The following ARHGEF17 variants were observed in gnomAD, a reference collection of about 807,000 sequenced individuals.
ARHGEF17 encodes the protein Rho guanine nucleotide exchange factor 17, also known as 164 kDa Rho-specific guanine-nucleotide exchange factor.
Under a neutral mutation model 174.0 loss-of-function variants are expected in ARHGEF17, and 80 were observed. That is an observed-to-expected ratio of 0.46 (90% CI 0.38 to 0.55). The LOEUF is 0.55. Ranked by LOEUF, ARHGEF17 falls within the 20% of genes least tolerant of loss-of-function variation. The pLI, the probability that ARHGEF17 is intolerant of heterozygous loss-of-function variation, is 0.00. For missense variants in ARHGEF17, 2,886 were observed against 2,839.7 expected, an observed-to-expected ratio of 1.02 and a Z score of -0.37; for synonymous variants, 1,311 against 1,189.1, an observed-to-expected ratio of 1.10 and a Z score of -2.11.
chr11:73,363,235 A>G lies in ARHGEF17; in HGVS notation c.5026A>G (p.Thr1676Ala). ...NEETPSSKEA[T>A]AETTSSEEEQ... The stretch of plus-strand genomic sequence containing the variant: ...GGAGACCCCGAGTTCCAAGGAGGCC[A>G]CGGCAGAGACCACCAGCTCAGAGGA... The change falls in exon 15 of 21, where the codon ACG becomes GCG. Residue 1676 changes from threonine (T) to alanine (A), a missense_variant. By Grantham distance (58) the Thr-to-Ala change is moderately conservative. Coordinates refer to ENST00000263674, the MANE Select transcript of ARHGEF17 (RefSeq NM_014786.4). 3 of 1,591,772 alleles carry G rather than the reference A, an allele frequency of 1.9e-6. No individual in the cohort carries two copies. The South Asian group carries it at 3.3e-5, about 18-fold the overall frequency.
chr11:73,311,278 G>A lies in ARHGEF17; in HGVS notation c.2640G>A (p.Arg880=), dbSNP rs1269529066. 1 of 1,612,994 alleles carries A rather than the reference G, an allele frequency of 6.2e-7. No individual in the cohort carries two copies. The highest frequency in any genetic ancestry group is 1.1e-5 in the South Asian group (1 of 91,072). The part of the protein sequence containing the change: ...RAEPEEPGAT[R]SRAQSERALP... Reference sequence around the variant, plus strand: ...AGCCAGAAGAACCTGGTGCCACCAGGAGCCGGGCACAGTCTGAAAGGGCCC... The same window carrying A: ...AGCCAGAAGAACCTGGTGCCACCAGAAGCCGGGCACAGTCTGAAAGGGCCC... The change falls in exon 1 of 21, where the codon AGG becomes AGA. Residue 880 remains arginine (R), a synonymous_variant. Transcript: ENST00000263674.
rs148305106 is a variant in ARHGEF17, at chr11:73,343,700, C to T, written c.3193-3183C>T. Among the ~76,000 whole-genome samples the T allele has an allele frequency of 1.6e-4, 24 of 152,104 alleles. No homozygotes were observed. The East Asian group carries it at 4.5e-3, about 28-fold the overall frequency. ...GCTGGCCCTTGGAGGAGTCATGCTG[C>T]GGTGGGAACAGCAGCGTCCCCGTTC... On this transcript the variant is annotated intron_variant, in intron 1 of 20. Coordinates refer to ENST00000263674, the MANE Select transcript of ARHGEF17 (RefSeq NM_014786.4).
chr11:73,311,622 A>T lies in ARHGEF17; in HGVS notation c.2984A>T (p.His995Leu), dbSNP rs780449274. The stretch of plus-strand genomic sequence containing the variant: ...CCCATAGGCTTCCCTACCCGAGCCC[A>T]TCCCACGTTGCAGGCACCATCGCTC... ...PEPIGFPTRA[H>L]PTLQAPSLED... is the part of the protein sequence containing the mutation. Residue 995 changes from histidine (H) to leucine (L), a missense_variant, in exon 1 of 21, where the codon CAT becomes CTT. By Grantham distance (99) the His-to-Leu change is moderately conservative (BLOSUM62 -3). Transcript: ENST00000263674. 4 of 1,613,252 alleles carry T rather than the reference A, an allele frequency of 2.5e-6. No homozygotes were observed. Among genetic ancestry groups the T allele is most frequent in the Non-Finnish European group, 3.4e-6 (4 of 1,179,884 alleles).
intron 2 of ARHGEF17, among the ~76,000 whole-genome samples, chr11:73,348,118 T>G (rs1379495825): frequency 6.6e-6 from 1 of 152,116 alleles, no homozygotes; most frequent in South Asian, 2.1e-4. Flanking sequence ...CAGTCACCAT[T>G]GAGGATGAAT....
At chr11:73,334,671 A>G (rs1478067970) in intron 1 of ARHGEF17, among the ~76,000 whole-genome samples, 1 of 152,048 alleles carries the variant, frequency 6.6e-6, no homozygotes, top group East Asian at 1.9e-4. Flanking sequence ...GGCCTTTCCC[A>G]GGGTGCCTGG....
At chr11:73,316,342 G>A (rs1864929390) in intron 1 of ARHGEF17, among the ~76,000 whole-genome samples, 1 of 152,222 alleles carries the variant, frequency 6.6e-6, no homozygotes, top group Non-Finnish European at 1.5e-5. Context: ...GAATACAGCA[G>A]CAAACAAAAC....
Position 73,311,465 on chromosome 11 carries a change from C to A in ARHGEF17, c.2827C>A (p.Gln943Lys), listed in dbSNP as rs1864832998. 1 of 1,613,244 alleles carries A rather than the reference C, an allele frequency of 6.2e-7. No homozygotes were observed. The highest frequency in any genetic ancestry group is 1.7e-5 in the Admixed American group (1 of 60,028). Reference protein sequence around the residue: ...ELRRDEGSQDQTGSLSRARPS... With the variant: ...ELRRDEGSQDKTGSLSRARPS... Reference sequence around the variant, plus strand: ...TCGGAGAGACGAGGGCAGTCAGGACCAGACTGGCAGCCTGTCTCGGGCCCG... The same window carrying A: ...TCGGAGAGACGAGGGCAGTCAGGACAAGACTGGCAGCCTGTCTCGGGCCCG... Residue 943 changes from glutamine (Q) to lysine (K), a missense_variant, in exon 1 of 21, where the codon CAG becomes AAG. Around this residue, in one of 4 missense-constraint regions of ARHGEF17, gnomAD observed 1,728 missense variants for 1,461.2 expected, o/e 1.18. Coordinates refer to ENST00000263674, the MANE Select transcript of ARHGEF17 (RefSeq NM_014786.4).
chr11:73,362,386 C>T (rs768100316), intron 13 of ARHGEF17, 47 bp from the exon 14 acceptor site: 19 of 1,480,832 alleles, frequency 1.3e-5, no homozygotes, highest in Middle Eastern at 2.5e-4. Flanking sequence ...CCACCGGGGC[C>T]CCGTCTGGCT....
At chr11:73,348,422 C>T (rs1865500132) in intron 2 of ARHGEF17, among the ~76,000 whole-genome samples, 2 of 152,206 alleles carry the variant, frequency 1.3e-5, no homozygotes, top group African/African-American at 4.8e-5. Context: ...AACCTACACA[C>T]AACAGGGATA....
chr11:73,359,320 G>A (rs1236276658), intron 9 of ARHGEF17, among the ~76,000 whole-genome samples: 1 of 152,360 alleles, frequency 6.6e-6, no homozygotes, highest in South Asian at 2.1e-4. Context: ...CCCAAGCCTT[G>A]GGTTGAGGGC....
In ARHGEF17 at chr11:73,311,337, A is replaced by T. The variant is rs754216768; in HGVS notation, c.2699A>T (p.His900Leu). ...PEALPPPATA[H>L]RNFHLDPKLA... ...GCTCTGCCTCCCCCTGCCACTGCCCACCGAAACTTTCACCTTGACCCCAAG... is the reference window on the plus strand; with the variant it reads ...GCTCTGCCTCCCCCTGCCACTGCCCTCCGAAACTTTCACCTTGACCCCAAG... The change falls in exon 1 of 21, where the codon CAC becomes CTC. Residue 900 changes from histidine (H) to leucine (L), a missense_variant. Around this residue, in one of 4 missense-constraint regions of ARHGEF17, gnomAD observed 1,728 missense variants for 1,461.2 expected, o/e 1.18. Transcript: ENST00000263674. The T allele has an allele frequency of 6.2e-7, 1 of 1,613,332 alleles. No homozygotes were observed. Among genetic ancestry groups the T allele is most frequent in the Admixed American group, 1.7e-5 (1 of 60,034 alleles).
chr11:73,309,067 C>G lies in ARHGEF17; in HGVS notation c.429C>G (p.Ala143=), dbSNP rs1033425177. 4.0e-5 allele frequency: 61 copies of G among 1,511,924 alleles called. No homozygotes were observed. The highest frequency in any genetic ancestry group is 5.0e-5 in the Non-Finnish European group (57 of 1,134,994). 93.7% of individuals were successfully genotyped at this position (1,511,924 alleles called of 1,614,324 possible). A position where few individuals can be genotyped will look rare whatever the true frequency, so the allele number is the denominator to read the frequency against. Residue 143 remains alanine (A), a synonymous_variant, in exon 1 of 21, where the codon GCC becomes GCG. Transcript: ENST00000263674. ...GTCCTGGCTCCAGGAGGCCCAGCGC[C>G]GACTCTGAATCCCCAGGAACGCCCA... ...FGGPGSRRPS[A]DSESPGTPSP...
rs759051845 is a variant in ARHGEF17 at position 73,308,609 on chromosome 11, G to A, written c.-30G>A. On this transcript the variant is annotated 5_prime_UTR_variant, in exon 1 of 21. Coordinates refer to ENST00000263674, the MANE Select transcript of ARHGEF17 (RefSeq NM_014786.4). ...GGGGGGTTGGCCGCGGCTGCCCGAG[G>A]CCAGCCCCCCCGGAGTGAGTTACGC... is the stretch of plus-strand genomic sequence containing the variant. 2.5e-5 allele frequency: 35 copies of A among 1,420,364 alleles called. No individual in the cohort carries two copies. The highest frequency in any genetic ancestry group is 3.1e-5 in the Non-Finnish European group (34 of 1,092,136). 88.0% of individuals were successfully genotyped at this position (1,420,364 alleles called of 1,614,324 possible).
At position 73,355,897 on chromosome 11, in the gene ARHGEF17, T is replaced by C; in HGVS notation, c.3607T>C (p.Ser1203Pro). The C allele has an allele frequency of 1.2e-6, 2 of 1,614,164 alleles. No individual in the cohort carries two copies. The highest frequency in any genetic ancestry group is 1.7e-6 in the Non-Finnish European group (2 of 1,180,026). The change falls in exon 5 of 21, where the codon TCT becomes CCT. Residue 1203 changes from serine (S) to proline (P), a missense_variant. This residue lies in a region of ARHGEF17 where 353 missense variants were observed against 470.3 expected (regional missense o/e 0.75). Coordinates refer to ENST00000263674, the MANE Select transcript of ARHGEF17 (RefSeq NM_014786.4). ...MRENKEKQAL[S>P]DLMIKPVQRI... ...TGAGAACAAGGAGAAGCAGGCGCTG[T>C]CTGACCTCATGATCAAGCCTGTGCA... is the stretch of plus-strand genomic sequence containing the variant.
At chr11:73,339,305 A>G (rs1865332697) in intron 1 of ARHGEF17, among the ~76,000 whole-genome samples, 1 of 152,276 alleles carries the variant, frequency 6.6e-6, no homozygotes, top group African/African-American at 2.4e-5. Context: ...AATGAATAAA[A>G]TAAAAATGCA....
chr11:73,344,622 G>A (rs1159672175), intron 1 of ARHGEF17, among the ~76,000 whole-genome samples: 2 of 152,252 alleles, frequency 1.3e-5, no homozygotes, highest in Admixed American at 1.3e-4. Context: ...TCACTGAGGG[G>A]GAGAAAGGGT....
At chr11:73,358,877 ACT>A (rs1379860627) in intron 9 of ARHGEF17, among the ~76,000 whole-genome samples, 2 of 151,846 alleles carry the variant, frequency 1.3e-5, no homozygotes, top group Non-Finnish European at 2.9e-5. Flanking sequence ...CTGGCAGGAA[ACT>A]CCACTGCCAT....
chr11:73,363,472 G>A lies in ARHGEF17; in HGVS notation c.5246+17G>A, dbSNP rs1187769036. On this transcript the variant is annotated intron_variant, in intron 15 of 20. Transcript: ENST00000263674. ...GGATGGCTGGTAGGGACAGGGGAGGGACTAGGGACACAGTGCCAGAACTCT... is the reference window on the plus strand; with the variant it reads ...GGATGGCTGGTAGGGACAGGGGAGGAACTAGGGACACAGTGCCAGAACTCT... 1 of 1,603,316 alleles carries A rather than the reference G, an allele frequency of 6.2e-7. No individual in the cohort carries two copies. The highest frequency in any genetic ancestry group is 8.5e-7 in the Non-Finnish European group (1 of 1,173,710).
intron 1 of ARHGEF17, among the ~76,000 whole-genome samples, chr11:73,340,320 T>C (rs756269578): frequency 4.6e-5 from 7 of 152,194 alleles, no homozygotes; most frequent in Non-Finnish European, 8.8e-5. Flanking sequence ...CGCCCCCTTC[T>C]TGGGGGCAGG....
Sources: gnomAD v4.1 joint callset for allele counts (sites outside exome capture counted in the v4.1 genomes callset) on GRCh38, gnomAD v4.1.1 for gene constraint, gnomAD v4.1.1 regional missense constraint, MANE v1.5 for transcripts, NCBI Gene and HGNC (gene_info 2026-07-23, HGNC 2026-07-21) for gene names.